SPINK5: variants seen among roughly 807,000 people sequenced by gnomAD.
The protein encoded by SPINK5 is serine protease inhibitor Kazal-type 5.
A neutral mutation model predicts 151.8 loss-of-function variants in SPINK5; 125 were observed. The ratio of observed to expected loss-of-function variants is 0.82; its 90% CI spans 0.71 to 0.96. The LOEUF (loss-of-function observed/expected upper bound fraction) is 0.96. SPINK5 is among the 40% of genes least tolerant of loss of function. The pLI is 0.00. For synonymous variants in SPINK5, 374 were observed against 395.3 expected (o/e 0.95, Z 0.64); for missense variants, 1,194 against 1,291.9 (o/e 0.92, Z 1.16).
rs1261314681 is a variant in SPINK5, at chr5:148,099,430, A to G, written c.1092+115A>G. ...ATCCCCAGAATATCTTAACTCTTCAATCTGGGGATGGTATTGAGATGAATT... is the reference window on the plus strand; with the variant it reads ...ATCCCCAGAATATCTTAACTCTTCAGTCTGGGGATGGTATTGAGATGAATT... On this transcript the variant is annotated intron_variant, in intron 12 of 32. Transcript: ENST00000256084. 4 of 814,742 alleles carry G rather than the reference A, an allele frequency of 4.9e-6. No individual in the cohort carries two copies. In the African/African-American group the frequency reaches 6.9e-5, roughly 14 times the overall value. 50.5% of individuals were successfully genotyped at this position (814,742 alleles called of 1,614,324 possible).
rs41291435 is a variant in SPINK5, at chr5:148,126,834, C to T, written c.2868-149C>T. 6.8e-3 allele frequency: 3,987 copies of T among 582,234 alleles called. 125 individuals are homozygous for T. Among genetic ancestry groups the T allele is most frequent in the African/African-American group, 0.067 (3,539 of 52,632 alleles). 36.1% of individuals were successfully genotyped at this position (582,234 alleles called of 1,614,324 possible). A position where few individuals can be genotyped will look rare whatever the true frequency, so the allele number is the denominator to read the frequency against. On this transcript the variant is annotated intron_variant, in intron 29 of 32. Transcript: ENST00000256084. ...CTCCAACTCCTGACCTCAGGTGATT[C>T]GCCAGCCTGGGCCTTCCAAAATGCT...
intron 21 of SPINK5, among the ~76,000 whole-genome samples, chr5:148,114,694 A>C (rs1283843911): frequency 6.6e-6 from 1 of 152,228 alleles, no homozygotes; most frequent in East Asian, 1.9e-4. Flanking sequence ...AAGCTATTAC[A>C]TTCTCTGTTA....
Position 148,133,835 on chromosome 5 carries a change from A to G in SPINK5, c.3134A>G (p.Lys1045Arg). 6.2e-7 allele frequency: 1 copy of G among 1,614,090 alleles called. No individual in the cohort carries two copies. Among genetic ancestry groups the G allele is most frequent in the South Asian group, 1.1e-5 (1 of 91,082 alleles). The change falls in exon 32 of 33, where the codon AAG becomes AGG. Residue 1045 changes from lysine to arginine, a missense_variant. Physicochemically the swap from Lys to Arg is conservative, Grantham distance 26. Coordinates refer to ENST00000256084, the MANE Select transcript of SPINK5 (RefSeq NM_006846.4). The part of the protein sequence containing the change: ...QTNTHIRSTG[K>R]CEESSTPGTT... ...AATACACACATCCGCAGTACAGGGA[A>G]GTGTGAGGAGAGCAGCACCCCAGGA... is the stretch of plus-strand genomic sequence containing the variant.
At chr5:148,109,572 C>G (rs1182926943) in intron 18 of SPINK5, among the ~76,000 whole-genome samples, 1 of 151,264 alleles carries the variant, frequency 6.6e-6, no homozygotes, top group Non-Finnish European at 1.5e-5. Flanking sequence ...TAGTTAGTAA[C>G]TTGAGAACCA....
intron 10 of SPINK5, 45 bp from the exon 11 acceptor site, chr5:148,097,822 T>C (rs201823205): frequency 4.5e-6 from 7 of 1,557,444 alleles, no homozygotes; most frequent in East Asian, 2.3e-5. Context: ...CATTCATACA[T>C]AGAAAACAGA....
intron 4 of SPINK5, among the ~76,000 whole-genome samples, chr5:148,072,575 A>G (rs1175270041): frequency 6.6e-6 from 1 of 151,950 alleles, no homozygotes; most frequent in African/African-American, 2.4e-5. Flanking sequence ...TAGAATTCTT[A>G]TTGCTTGTGT....
intron 31 of SPINK5, among the ~76,000 whole-genome samples, chr5:148,132,096 A>G (rs187981171): frequency 7.9e-5 from 12 of 152,280 alleles, no homozygotes; most frequent in African/African-American, 2.6e-4. Context: ...ATTCATTTTA[A>G]TACTCTTATT....
At chr5:148,123,778 C>T in intron 26 of SPINK5, 55 bp from the exon 27 acceptor site, 2 of 1,610,532 alleles carry the variant, frequency 1.2e-6, no homozygotes, top group Non-Finnish European at 1.7e-6. Flanking sequence ...ATCATGTTAT[C>T]AGGTTTGAAA....
chr5:148,093,334 C>T (rs956550198), intron 8 of SPINK5, among the ~76,000 whole-genome samples: 1 of 151,776 alleles, frequency 6.6e-6, no homozygotes, highest in Non-Finnish European at 1.5e-5. Flanking sequence ...GAAAACAAAT[C>T]TTTCTTGGAT....
chr5:148,116,580 G>C, intron 22 of SPINK5, 114 bp downstream of exon 22: 3 of 1,054,682 alleles, frequency 2.8e-6, no homozygotes, highest in East Asian at 2.4e-5. Flanking sequence ...TGAGAGAACA[G>C]AGAAGTTTCT....
At chr5:148,072,875 AAAAAG>A (rs1273059104) in intron 4 of SPINK5, among the ~76,000 whole-genome samples, 1 of 151,878 alleles carries the variant, frequency 6.6e-6, no homozygotes, top group Non-Finnish European at 1.5e-5. Context: ...GTAAAAAAAA[AAAAAG>A]GTCATAAAAC....
Position 148,124,694 on chromosome 5 carries a change from T to C in SPINK5, c.2667-71T>C, listed in dbSNP as rs549596430. ...TTGCTAATGTTTAGAATCGCAGAAATACTTGGTTAAAGACAATTCAGTAAC... is the reference window on the plus strand; with the variant it reads ...TTGCTAATGTTTAGAATCGCAGAAACACTTGGTTAAAGACAATTCAGTAAC... On this transcript the variant is annotated intron_variant, in intron 27 of 32. Transcript: ENST00000256084. The C allele has an allele frequency of 1.7e-4, 213 of 1,228,570 alleles. No homozygotes were observed. In the African/African-American group the frequency reaches 2.6e-3, roughly 15 times the overall value. The allele number at this position is 1,228,570 out of a possible 1,614,324, so 76.1% of individuals were successfully genotyped here.
intron 17 of SPINK5, 151 bp downstream of exon 17, chr5:148,107,315 T>C: frequency 1.8e-6 from 2 of 1,089,450 alleles, no homozygotes; most frequent in Non-Finnish European, 2.7e-6. Context: ...TAATATTGAA[T>C]CATATAGTGA....
intron 1 of SPINK5, among the ~76,000 whole-genome samples, chr5:148,064,917 A>T (rs1196945192): frequency 6.6e-6 from 1 of 152,160 alleles, no homozygotes; most frequent in Non-Finnish European, 1.5e-5. Context: ...ATTAAATTTT[A>T]TGTATATATC....
chr5:148,115,616 T>C (rs958112188), intron 21 of SPINK5, among the ~76,000 whole-genome samples: 1 of 152,070 alleles, frequency 6.6e-6, no homozygotes, highest in Admixed American at 6.6e-5. Flanking sequence ...GTGACAGCTA[T>C]GCAAGCTGAA....
rs1754153434 is a variant in SPINK5, at chr5:148,118,320, TTA to T, written c.2113-115_2113-114del. On this transcript the variant is annotated intron_variant, in intron 22 of 32. Coordinates refer to ENST00000256084, the MANE Select transcript of SPINK5 (RefSeq NM_006846.4). ...GCATGAGCCACCGTACCCGGCAATG[TTA>T]TGTTTCTTATAAAGAGAGGTGAAAG... is the stretch of plus-strand genomic sequence containing the variant. 4.8e-6 allele frequency: 7 copies of T among 1,444,544 alleles called. No individual in the cohort carries two copies. The Middle Eastern group carries it at 7.7e-4, about 159-fold the overall frequency. The allele number at this position is 1,444,544 out of a possible 1,614,324, so 89.5% of individuals were successfully genotyped here.
chr5:148,136,907 C>T lies in SPINK5; in HGVS notation c.3187-76C>T, dbSNP rs4334874. On this transcript the variant is annotated intron_variant, in intron 32 of 32. Coordinates refer to ENST00000256084, the MANE Select transcript of SPINK5 (RefSeq NM_006846.4). The stretch of plus-strand genomic sequence containing the variant: ...TCTATGGATTTCTTTGATTAAGATG[C>T]AGCTATAAATATACAGCCCACATTT... 610,035 of 1,541,166 alleles carry T rather than the reference C, an allele frequency of 0.4. 124,712 individuals carry two copies. The highest frequency in any genetic ancestry group is 0.58 in the African/African-American group (42,583 of 73,180).
chr5:148,114,269 T>TC (rs1754024125), intron 20 of SPINK5, 93 bp from the exon 21 acceptor site: 2 of 1,138,036 alleles, frequency 1.8e-6, no homozygotes, highest in Admixed American at 8.0e-5. Context: ...ATTTTCTCTC[T>TC]CTTTTTTTTT....
intron 8 of SPINK5, among the ~76,000 whole-genome samples, chr5:148,092,018 T>G (rs973563091): frequency 6.6e-6 from 1 of 151,858 alleles, no homozygotes. Context: ...TTTGCCATGC[T>G]CTGGGTGTGG....
Sources: allele counts gnomAD v4.1 joint callset (sites outside exome capture counted in the v4.1 genomes callset), GRCh38; gene constraint gnomAD v4.1.1; transcripts MANE v1.5; gene names NCBI Gene and HGNC (gene_info 2026-07-23, HGNC 2026-07-21).